Variants in MARK2 observed in about 807,000 individuals in gnomAD.
The protein encoded by MARK2 is serine/threonine-protein kinase MARK2.
Under a neutral mutation model 89.8 loss-of-function variants are expected in MARK2, and 16 were observed. The observed-to-expected ratio is 0.18, with a 90% CI of 0.12 to 0.27. The LOEUF is 0.27. MARK2 is among the 10% of genes least tolerant of loss of function. The pLI is 1.00. For missense variants in MARK2, 621 were observed against 1,049.9 expected, an observed-to-expected ratio of 0.59 and a Z score of 5.65; for synonymous variants, 382 against 399.5, an observed-to-expected ratio of 0.96 and a Z score of 0.52.
At chr11:63,869,708 G>A (rs754644422) in intron 1 of MARK2, among the ~76,000 whole-genome samples, 5 of 152,280 alleles carry the variant, frequency 3.3e-5, no homozygotes, top group Middle Eastern at 3.4e-3. Flanking sequence ...TCAGCCTTAG[G>A]TGGAAGAGAT....
At chr11:63,873,671 A>G (rs946892790) in intron 1 of MARK2, among the ~76,000 whole-genome samples, 1 of 152,078 alleles carries the variant, frequency 6.6e-6, no homozygotes, top group African/African-American at 2.4e-5. Context: ...TCTGAGACGG[A>G]GTCTTGCTCT....
chr11:63,886,123 T>C (rs1317983890), intron 1 of MARK2, among the ~76,000 whole-genome samples: 1 of 147,916 alleles, frequency 6.8e-6, no homozygotes, highest in Non-Finnish European at 1.5e-5. Flanking sequence ...AGTGAGACTC[T>C]ATCTCAAAAA....
chr11:63,895,736 C>T (rs1199418590), intron 3 of MARK2, 103 bp downstream of exon 3: 17 of 986,864 alleles, frequency 1.7e-5, no homozygotes, highest in Admixed American at 1.7e-4. Context: ...ATGGTGTGAT[C>T]TCGGCTCACT....
intron 1 of MARK2, chr11:63,890,273 A>G (rs774596270): frequency 7.4e-7 from 1 of 1,345,626 alleles, no homozygotes; most frequent in Non-Finnish European, 9.8e-7. Context: ...AACATCTTAC[A>G]GCATAGAAGA....
In MARK2 at chr11:63,878,479, C is replaced by T. The variant is rs529023580; in HGVS notation, c.55-16680C>T. The stretch of plus-strand genomic sequence containing the variant: ...CCGCCTCCTGGGTTCACGCCATTCT[C>T]CTGCCTCAGCCTCCCGAGTAGCTGA... On this transcript the variant is annotated intron_variant, in intron 1 of 18. Coordinates refer to ENST00000402010, the MANE Select transcript of MARK2 (RefSeq NM_001039469.3). Among the ~76,000 whole-genome samples the T allele has an allele frequency of 1.9e-4, 29 of 150,072 alleles. 1 individual carries two copies. In the South Asian group the frequency reaches 6.0e-3, roughly 31 times the overall value.
chr11:63,894,553 A>G (rs1940197659), intron 1 of MARK2, among the ~76,000 whole-genome samples: 1 of 152,132 alleles, frequency 6.6e-6, no homozygotes, highest in African/African-American at 2.4e-5. Flanking sequence ...AAAATTAGCC[A>G]GGCGTGGTGG....
chr11:63,886,532 C>A (rs1044031560), intron 1 of MARK2, among the ~76,000 whole-genome samples: 6 of 152,058 alleles, frequency 3.9e-5, no homozygotes, highest in Non-Finnish European at 7.4e-5. Context: ...TCAAGCAGTT[C>A]TCATGCCTCA....
chr11:63,908,362 C>T, intron 18 of MARK2, 58 bp downstream of exon 18: 1 of 1,401,072 alleles, frequency 7.1e-7, no homozygotes, highest in Middle Eastern at 1.8e-4. Context: ...GCCACAGCCT[C>T]CTGCTCCTCT....
Position 63,888,615 on chromosome 11 carries a change from A to G in MARK2, c.55-6544A>G, listed in dbSNP as rs888102025. 16 of 1,143,776 alleles carry G rather than the reference A, an allele frequency of 1.4e-5. No individual in the cohort carries two copies. The Admixed American group carries it at 2.5e-4, about 18-fold the overall frequency. The allele number at this position is 1,143,776 out of a possible 1,614,324, so 70.9% of individuals were successfully genotyped here. On this transcript the variant is annotated intron_variant, in intron 1 of 18. Transcript: ENST00000402010. Reference sequence around the variant, plus strand: ...TTCTGGTGTGCTGTCCTGGAATTGCACGCGCTTCCTGACCACCAGGCTCTG... The same window carrying G: ...TTCTGGTGTGCTGTCCTGGAATTGCGCGCGCTTCCTGACCACCAGGCTCTG...
At position 63,902,908 on chromosome 11, in the gene MARK2, C is replaced by A; in HGVS notation, c.1416+126C>A. The A allele has an allele frequency of 9.3e-7, 1 of 1,070,800 alleles. No individual in the cohort carries two copies. The highest frequency in any genetic ancestry group is 1.4e-6 in the Non-Finnish European group (1 of 711,868). 66.3% of individuals were successfully genotyped at this position (1,070,800 alleles called of 1,614,324 possible). On this transcript the variant is annotated intron_variant, in intron 13 of 18. Transcript: ENST00000402010. The surrounding 1 kb of genome is among the most constrained non-coding windows in gnomAD (Gnocchi z 4.2). ...CTTCTGCTTATAGCAGGAAGCCTCG[C>A]TCCCAGCAGTAAATGCAGAATCCTT...
At chr11:63,891,957 C>T (rs1397960393) in intron 1 of MARK2, among the ~76,000 whole-genome samples, 2 of 152,164 alleles carry the variant, frequency 1.3e-5, no homozygotes, top group Non-Finnish European at 2.9e-5. Flanking sequence ...GGGTGTGAAC[C>T]CTAGAGTTCC....
At chr11:63,862,019 GT>G (rs1484232404) in intron 1 of MARK2, among the ~76,000 whole-genome samples, 2 of 150,994 alleles carry the variant, frequency 1.3e-5, no homozygotes. Context: ...CGCCTCCTGG[GT>G]TCAAGCAATT....
At chr11:63,901,997 G>C (rs1485632972) in intron 11 of MARK2, among the ~76,000 whole-genome samples, 1 of 152,112 alleles carries the variant, frequency 6.6e-6, no homozygotes, top group Non-Finnish European at 1.5e-5. Flanking sequence ...TTCTGAGACT[G>C]TGTTTGTCAG....
In MARK2 at chr11:63,900,671, C is replaced by A. The variant is rs751059089; in HGVS notation, c.881C>A (p.Thr294Asn). ...ATTCTTAATCCCAGCAAGAGAGGCA[C>A]TTTAGAGGTGAGCAGTGGAGCCCAA... ...FLILNPSKRG[T>N]LEQIMKDRWM... The change falls in exon 9 of 19, where the codon ACT becomes AAT. Residue 294 changes from threonine to asparagine, a missense_variant. Transcript: ENST00000402010. This position sits in a 1 kb window ranked among gnomAD's most constrained non-coding sequence, Gnocchi z 4.7. The A allele has an allele frequency of 6.2e-7, 1 of 1,614,168 alleles. No individual in the cohort carries two copies. The highest frequency in any genetic ancestry group is 8.5e-7 in the Non-Finnish European group (1 of 1,180,022).
At chr11:63,897,587 A>G (rs1485037378) in intron 3 of MARK2, among the ~76,000 whole-genome samples, 2 of 152,212 alleles carry the variant, frequency 1.3e-5, no homozygotes, top group Admixed American at 6.5e-5. Context: ...CGCAGAGGGG[A>G]AGGAGTTCAT....
chr11:63,907,251 C>T (rs1181888225), intron 17 of MARK2, among the ~76,000 whole-genome samples: 3 of 152,042 alleles, frequency 2.0e-5, no homozygotes, highest in Non-Finnish European at 2.9e-5. Flanking sequence ...CTCCTCCTCC[C>T]ACCCAGCTGT....
intron 1 of MARK2, among the ~76,000 whole-genome samples, chr11:63,871,040 T>C (rs182762562): frequency 4.6e-5 from 7 of 152,320 alleles, no homozygotes; most frequent in East Asian, 1.9e-4. Flanking sequence ...TAATTTGATA[T>C]CAATTTTACA....
chr11:63,902,979 C>T lies in MARK2; in HGVS notation c.1417-82C>T. On this transcript the variant is annotated intron_variant, in intron 13 of 18. Coordinates refer to ENST00000402010, the MANE Select transcript of MARK2 (RefSeq NM_001039469.3). This position sits in a 1 kb window ranked among gnomAD's most constrained non-coding sequence, Gnocchi z 4.2. ...GCTTCAGGTGGAAGGGACAGGAAGC[C>T]TGTTCCATGAACCTGGGGGGAGAAC... 7.9e-7 allele frequency: 1 copy of T among 1,266,604 alleles called. No individual in the cohort carries two copies. Among genetic ancestry groups the T allele is most frequent in the South Asian group, 1.2e-5 (1 of 83,378 alleles). 78.5% of individuals were successfully genotyped at this position (1,266,604 alleles called of 1,614,324 possible). A position where few individuals can be genotyped will look rare whatever the true frequency, so the allele number is the denominator to read the frequency against.
intron 1 of MARK2, among the ~76,000 whole-genome samples, chr11:63,857,761 C>T (rs983303735): frequency 6.6e-6 from 1 of 152,088 alleles, no homozygotes; most frequent in East Asian, 1.9e-4. Context: ...TGCAAAGAGT[C>T]CTGAAACCAA....
Sources: allele counts gnomAD v4.1 joint callset (sites outside exome capture counted in the v4.1 genomes callset), GRCh38; gene constraint gnomAD v4.1.1; non-coding constraint Gnocchi (gnomAD v3.1); transcripts MANE v1.5; gene names NCBI Gene and HGNC (gene_info 2026-07-23, HGNC 2026-07-21).